The following PTPRO variants were observed in gnomAD, a reference collection of about 807,000 sequenced individuals.
PTPRO encodes the protein protein tyrosine phosphatase receptor type O.
PTPRO carries 62 observed loss-of-function variants against 145.2 expected under a neutral mutation model. The ratio of observed to expected loss-of-function variants is 0.43; its 90% CI spans 0.35 to 0.53. The LOEUF (loss-of-function observed/expected upper bound fraction) is 0.53, where lower values mean the gene tolerates loss of function less well. Ranked by LOEUF, PTPRO falls within the 20% of genes least tolerant of loss-of-function variation. PTPRO has a pLI of 0.01. For synonymous variants in PTPRO, 565 were observed against 514.7 expected, an observed-to-expected ratio of 1.10 and a Z score of -1.32; for missense variants, 1,345 against 1,482.7, an observed-to-expected ratio of 0.91 and a Z score of 1.53.
intron 1 of PTPRO, among the ~76,000 whole-genome samples, chr12:15,345,364 C>A (rs2136222659): frequency 6.6e-6 from 1 of 152,232 alleles, no homozygotes; most frequent in South Asian, 2.1e-4. Context: ...AACCTAAATG[C>A]CCATCAATGA....
intron 23 of PTPRO, among the ~76,000 whole-genome samples, chr12:15,584,462 A>C (rs1176339354): frequency 2.0e-5 from 3 of 152,226 alleles, no homozygotes; most frequent in Admixed American, 6.5e-5. Context: ...GACAAAGAAG[A>C]GTCACATAGA....
intron 1 of PTPRO, among the ~76,000 whole-genome samples, chr12:15,434,103 G>A (rs1940528412): frequency 6.6e-6 from 1 of 152,110 alleles, no homozygotes; most frequent in Non-Finnish European, 1.5e-5. Flanking sequence ...TTGTTCCCTT[G>A]AAAATGAGTA....
chr12:15,380,208 T>C (rs1005353139), intron 1 of PTPRO, among the ~76,000 whole-genome samples: 1 of 152,148 alleles, frequency 6.6e-6, no homozygotes, highest in African/African-American at 2.4e-5. Context: ...TATTAAGTAA[T>C]GGCACACTTT....
intron 1 of PTPRO, among the ~76,000 whole-genome samples, chr12:15,481,439 A>C (rs1199237896): frequency 6.6e-6 from 1 of 152,226 alleles, no homozygotes; most frequent in Non-Finnish European, 1.5e-5. Context: ...TTCATTCATT[A>C]ATTGACTCCT....
intron 1 of PTPRO, among the ~76,000 whole-genome samples, chr12:15,412,329 C>T (rs949415586): frequency 1.3e-5 from 2 of 152,112 alleles, no homozygotes. Context: ...AAATAAAATT[C>T]TTTTTTATTA....
chr12:15,453,589 G>A (rs58390031), intron 1 of PTPRO, among the ~76,000 whole-genome samples: 3,469 of 150,070 alleles, frequency 0.023, 150 homozygotes, highest in African/African-American at 0.08. Context: ...TATTGTGTAA[G>A]AACACTTAAC....
chr12:15,515,658 T>G lies in PTPRO; in HGVS notation c.1585+40T>G, dbSNP rs1381560107. ...ACAAGAAGAATGACTGACCTATATA[T>G]TAGGGTATTGACGGAGGGGTGCAAT... is the stretch of plus-strand genomic sequence containing the variant. On this transcript the variant is annotated intron_variant, in intron 8 of 26. Transcript: ENST00000281171. 1.9e-6 allele frequency: 3 copies of G among 1,612,658 alleles called. No individual in the cohort carries two copies. The South Asian group carries it at 3.3e-5, about 18-fold the overall frequency.
chr12:15,432,284 A>G (rs1940462633), intron 1 of PTPRO, among the ~76,000 whole-genome samples: 1 of 152,182 alleles, frequency 6.6e-6, no homozygotes, highest in African/African-American at 2.4e-5. Context: ...ATAGTTTGCT[A>G]AGGATAATGG....
intron 19 of PTPRO, 89 bp from the exon 20 acceptor site, chr12:15,578,764 C>A: frequency 9.8e-7 from 1 of 1,021,034 alleles, no homozygotes; most frequent in Non-Finnish European, 1.5e-6. Context: ...TGTCATATAG[C>A]AAAGGGCTTG....
rs993862128 is a variant in PTPRO, at chr12:15,457,129, C to A, written c.76-26845C>A. Among the ~76,000 whole-genome samples the A allele has an allele frequency of 2.6e-5, 4 of 152,188 alleles. No individual in the cohort carries two copies. In the South Asian group the frequency reaches 8.3e-4, roughly 31 times the overall value. On this transcript the variant is annotated intron_variant, in intron 1 of 26. Coordinates refer to ENST00000281171, the MANE Select transcript of PTPRO (RefSeq NM_030667.3). ...GCCCTTGGACATCAGACTCCAGGTT[C>A]TTCAGCCTTCGGACTCTTGGACTTG...
intron 12 of PTPRO, among the ~76,000 whole-genome samples, chr12:15,543,009 T>G (rs1365008713): frequency 2.0e-5 from 3 of 152,244 alleles, no homozygotes; most frequent in African/African-American, 7.2e-5. Context: ...AATCTTGTAA[T>G]AGTAATAAGT....
intron 10 of PTPRO, among the ~76,000 whole-genome samples, chr12:15,522,307 G>C (rs1392849437): frequency 1.4e-5 from 2 of 144,206 alleles, no homozygotes; most frequent in African/African-American, 5.2e-5. Flanking sequence ...CATGCAGTTT[G>C]TTACATAGGT....
intron 1 of PTPRO, among the ~76,000 whole-genome samples, chr12:15,359,306 T>C (rs563142932): frequency 1.8e-4 from 28 of 152,316 alleles, no homozygotes; most frequent in African/African-American, 6.0e-4. Context: ...TATTCAGACA[T>C]TGTTTTATAC....
intron 23 of PTPRO, among the ~76,000 whole-genome samples, chr12:15,586,694 T>G (rs566340351): frequency 6.6e-6 from 1 of 152,268 alleles, no homozygotes; most frequent in South Asian, 2.1e-4. Context: ...TATCCTACTA[T>G]TTGAAGCTTT....
chr12:15,329,941 G>A (rs890159749), intron 1 of PTPRO, among the ~76,000 whole-genome samples: 10 of 152,194 alleles, frequency 6.6e-5, no homozygotes, highest in Non-Finnish European at 1.0e-4. Context: ...AAAACTGCAC[G>A]AGCAAAGGCC....
intron 7 of PTPRO, among the ~76,000 whole-genome samples, chr12:15,511,725 C>T (rs1942445626): frequency 6.6e-6 from 1 of 152,092 alleles, no homozygotes. Context: ...ACCACCACAC[C>T]CAGCTAATTT....
intron 1 of PTPRO, among the ~76,000 whole-genome samples, chr12:15,415,290 A>T (rs888203773): frequency 8.5e-5 from 13 of 152,192 alleles, no homozygotes; most frequent in African/African-American, 2.9e-4. Context: ...GCTTATCAGC[A>T]GCTCACATAA....
At chr12:15,389,117 T>TTC (rs1385030581) in intron 1 of PTPRO, among the ~76,000 whole-genome samples, 2 of 151,120 alleles carry the variant, frequency 1.3e-5, no homozygotes, top group African/African-American at 4.9e-5. Flanking sequence ...TTTTTTTTTT[T>TTC]TTTTGAGACA....
intron 2 of PTPRO, among the ~76,000 whole-genome samples, chr12:15,490,539 C>A (rs1032181594): frequency 1.3e-5 from 2 of 152,086 alleles, no homozygotes; most frequent in Admixed American, 6.6e-5. Context: ...AATGTAAAAG[C>A]CTTTCTTAGC....
Sources: gnomAD v4.1 joint callset for allele counts (sites outside exome capture counted in the v4.1 genomes callset) on GRCh38, gnomAD v4.1.1 for gene constraint, MANE v1.5 for transcripts, NCBI Gene and HGNC (gene_info 2026-07-23, HGNC 2026-07-21) for gene names.